The following MINDY2 variants were observed in gnomAD, a reference collection of about 807,000 sequenced individuals.
MINDY2 encodes ubiquitin carboxyl-terminal hydrolase MINDY-2.
A neutral mutation model predicts 68.2 loss-of-function variants in MINDY2; 52 were observed. That is an observed-to-expected ratio of 0.76 (90% confidence interval 0.61 to 0.96). The LOEUF is 0.96. Among genes scored for constraint, MINDY2 ranks in the 40% least tolerant of loss-of-function variants. The pLI is 0.00. For missense variants in MINDY2, 881 were observed against 773.4 expected (o/e 1.14, Z -1.65); for synonymous variants, 372 against 303.0 (o/e 1.23, Z -2.36).
chr15:58,826,225 C>CTTTTT (rs34666834), intron 5 of MINDY2, among the ~76,000 whole-genome samples: 22 of 98,152 alleles, frequency 2.2e-4, no homozygotes, highest in South Asian at 3.4e-4. Context: ...TTCACACAAT[C>CTTTTT]TTTTTTTTTT....
intron 1 of MINDY2, among the ~76,000 whole-genome samples, chr15:58,773,530 A>G (rs1181675424): frequency 6.6e-6 from 1 of 152,212 alleles, no homozygotes; most frequent in Non-Finnish European, 1.5e-5. Flanking sequence ...CTTACTGGAA[A>G]CTGTTTAAGA....
At position 58,855,174 on chromosome 15, in the gene MINDY2, G is replaced by A. The variant is rs1351482614; in HGVS notation, c.*564G>A. On this transcript the variant is annotated 3_prime_UTR_variant, in exon 9 of 9. Transcript: ENST00000559228. ...CTTAAACAGCTTTACCTTTATTTAG[G>A]AATGTACATTTTAGGTATTATCTTG... is the stretch of plus-strand genomic sequence containing the variant. 2 of 152,570 alleles carry A rather than the reference G, an allele frequency of 1.3e-5. No homozygotes were observed. Among genetic ancestry groups the A allele is most frequent in the Non-Finnish European group, 2.9e-5 (2 of 68,052 alleles). 9.5% of individuals were successfully genotyped at this position (152,570 alleles called of 1,614,324 possible). A position where few individuals can be genotyped will look rare whatever the true frequency, so the allele number is the denominator to read the frequency against.
chr15:58,826,463 A>G (rs2141009652), intron 5 of MINDY2, among the ~76,000 whole-genome samples: 1 of 152,202 alleles, frequency 6.6e-6, no homozygotes, highest in Non-Finnish European at 1.5e-5. Context: ...TCCCAACCTC[A>G]GGTGATCCGC....
chr15:58,813,214 G>A (rs1319404065), intron 4 of MINDY2, among the ~76,000 whole-genome samples: 1 of 152,164 alleles, frequency 6.6e-6, no homozygotes, highest in Non-Finnish European at 1.5e-5. Context: ...GTGTTTTCCC[G>A]CCGGGCACGG....
At chr15:58,816,273 A>T (rs2030681257) in intron 4 of MINDY2, among the ~76,000 whole-genome samples, 1 of 152,252 alleles carries the variant, frequency 6.6e-6, no homozygotes, top group Non-Finnish European at 1.5e-5. Context: ...TTCACTGAAA[A>T]GTCTCAACAT....
intron 6 of MINDY2, among the ~76,000 whole-genome samples, chr15:58,833,426 CAA>C (rs1359700152): frequency 6.6e-6 from 1 of 152,080 alleles, no homozygotes; most frequent in African/African-American, 2.4e-5. Context: ...GACACAGAGA[CAA>C]AGTATAGAGA....
intron 4 of MINDY2, among the ~76,000 whole-genome samples, chr15:58,814,939 G>C (rs1416411590): frequency 6.6e-6 from 1 of 151,782 alleles, no homozygotes; most frequent in African/African-American, 2.4e-5. Flanking sequence ...CACTGTGCCT[G>C]GACTTAATTT....
chr15:58,844,808 T>C (rs530881499), intron 6 of MINDY2, among the ~76,000 whole-genome samples: 4 of 146,386 alleles, frequency 2.7e-5, no homozygotes, highest in South Asian at 2.2e-4. Context: ...TTGCAGCTAC[T>C]TGGGGCTGAG....
At chr15:58,796,963 C>A (rs1273279688) in intron 2 of MINDY2, among the ~76,000 whole-genome samples, 1 of 152,158 alleles carries the variant, frequency 6.6e-6, no homozygotes, top group African/African-American at 2.4e-5. Context: ...CAGATTGAGT[C>A]AAATTGGACT....
intron 7 of MINDY2, among the ~76,000 whole-genome samples, 173 bp downstream of exon 7, chr15:58,847,643 T>G (rs1392897644): frequency 6.6e-6 from 1 of 152,228 alleles, no homozygotes; most frequent in Non-Finnish European, 1.5e-5. Flanking sequence ...ATTATGTACT[T>G]TGGTGCAGAA....
At chr15:58,835,200 C>G (rs1411990436) in intron 6 of MINDY2, among the ~76,000 whole-genome samples, 1 of 151,388 alleles carries the variant, frequency 6.6e-6, no homozygotes. Context: ...AATAATTACA[C>G]AAATAATTAT....
Position 58,855,836 on chromosome 15 carries a change from C to G in MINDY2, c.*1226C>G, listed in dbSNP as rs1245413623. On this transcript the variant is annotated 3_prime_UTR_variant, in exon 9 of 9. Transcript: ENST00000559228. ...ACTCAGGGCTGAGGCAGGAGAATTG[C>G]TTGAACCCGGCAGGCAGAGGTTGCA... The G allele has an allele frequency of 6.6e-6, 1 of 152,258 alleles. No homozygotes were observed. The highest frequency in any genetic ancestry group is 1.9e-4 in the East Asian group (1 of 5,182). 9.4% of individuals were successfully genotyped at this position (152,258 alleles called of 1,614,324 possible). A position where few individuals can be genotyped will look rare whatever the true frequency, so the allele number is the denominator to read the frequency against.
intron 2 of MINDY2, among the ~76,000 whole-genome samples, chr15:58,796,934 C>T (rs79553102): frequency 0.022 from 3,289 of 152,276 alleles, 51 homozygotes; most frequent in Non-Finnish European, 0.034. Flanking sequence ...TCCTTGTTCT[C>T]AGATGGAATT....
rs2033077867 is a variant in MINDY2 at position 58,856,906 on chromosome 15, A to G, written c.*2296A>G. Reference sequence around the variant, plus strand: ...AGAAGTATTTCTTCTGTTATTTGTTACTATCTTCTTAATTTGTTCCAAAGA... The same window carrying G: ...AGAAGTATTTCTTCTGTTATTTGTTGCTATCTTCTTAATTTGTTCCAAAGA... On this transcript the variant is annotated 3_prime_UTR_variant, in exon 9 of 9. Coordinates refer to ENST00000559228, the MANE Select transcript of MINDY2 (RefSeq NM_001040450.3). The G allele has an allele frequency of 6.6e-6, 1 of 152,214 alleles. No individual in the cohort carries two copies. Among genetic ancestry groups the G allele is most frequent in the Non-Finnish European group, 1.5e-5 (1 of 68,036 alleles). 9.4% of individuals were successfully genotyped at this position (152,214 alleles called of 1,614,324 possible).
chr15:58,799,180 C>A (rs536736339), intron 2 of MINDY2, among the ~76,000 whole-genome samples: 1 of 152,132 alleles, frequency 6.6e-6, no homozygotes, highest in Non-Finnish European at 1.5e-5. Flanking sequence ...CAGGGCCAGT[C>A]GTGCCAGAAC....
chr15:58,791,128 C>T (rs1341260127), intron 2 of MINDY2, among the ~76,000 whole-genome samples: 8 of 144,298 alleles, frequency 5.5e-5, no homozygotes, highest in Non-Finnish European at 7.6e-5. Context: ...TGCAGTGAGC[C>T]GAGATCACGC....
Position 58,771,308 on chromosome 15 carries a change from G to A in MINDY2, c.-88G>A. 1 of 1,516,422 alleles carries A rather than the reference G, an allele frequency of 6.6e-7. No homozygotes were observed. Among genetic ancestry groups the A allele is most frequent in the South Asian group, 1.2e-5 (1 of 80,860 alleles). 93.9% of individuals were successfully genotyped at this position (1,516,422 alleles called of 1,614,324 possible). ...ACCGAGGCCGCGCCAGGGCGCTGTTGCTGCCAATACAGCTGTCATGGCGTC... is the reference window on the plus strand; with the variant it reads ...ACCGAGGCCGCGCCAGGGCGCTGTTACTGCCAATACAGCTGTCATGGCGTC... On this transcript the variant is annotated 5_prime_UTR_variant, in exon 1 of 9. Transcript: ENST00000559228.
In MINDY2 at chr15:58,810,397, AAG is replaced by A. The variant is rs1275407981; in HGVS notation, c.1122+11_1122+12del. 4 of 1,550,310 alleles carry A rather than the reference AAG, an allele frequency of 2.6e-6. No homozygotes were observed. Among genetic ancestry groups the A allele is most frequent in the Non-Finnish European group, 3.5e-6 (4 of 1,148,842 alleles). On this transcript the variant is annotated intron_variant, in intron 4 of 8. Transcript: ENST00000559228. ...GGTTAGTAGACCCTCAGGTAAGTCG[AAG>A]AATTTAAATTATGTAAACACAAATA...
chr15:58,779,436 G>A (rs560830100), intron 1 of MINDY2, among the ~76,000 whole-genome samples: 1 of 152,176 alleles, frequency 6.6e-6, no homozygotes, highest in African/African-American at 2.4e-5. Flanking sequence ...TACTCTCCTA[G>A]TTTCCATCTA....
Sources: allele counts gnomAD v4.1 joint callset (sites outside exome capture counted in the v4.1 genomes callset), GRCh38; gene constraint gnomAD v4.1.1; transcripts MANE v1.5; gene names NCBI Gene and HGNC (gene_info 2026-07-23, HGNC 2026-07-21).